The following GAS7 variants were observed in gnomAD, a reference collection of about 807,000 sequenced individuals.
GAS7 encodes growth arrest-specific protein 7.
In GAS7, 28 loss-of-function variants were observed where a neutral mutation model predicts 71.1. That is an observed-to-expected ratio of 0.39 (90% CI 0.29 to 0.54). The LOEUF (loss-of-function observed/expected upper bound fraction) is 0.54, where lower values mean the gene tolerates loss of function less well. Among genes scored for constraint, GAS7 ranks in the 20% least tolerant of loss-of-function variants. GAS7 has a pLI of 0.62. For synonymous variants in GAS7, 258 were observed against 245.8 expected, an observed-to-expected ratio of 1.05 and a Z score of -0.46; for missense variants, 436 against 627.8, an observed-to-expected ratio of 0.69 and a Z score of 3.27.
intron 1 of GAS7, among the ~76,000 whole-genome samples, chr17:10,056,598 G>A (rs547786750): frequency 2.4e-4 from 37 of 152,144 alleles, no homozygotes; most frequent in South Asian, 1.2e-3. Flanking sequence ...TGGGCCGGGC[G>A]CAGTGGCTCA....
At chr17:9,932,261 C>T (rs1215063344) in intron 9 of GAS7, among the ~76,000 whole-genome samples, 1 of 138,444 alleles carries the variant, frequency 7.2e-6, no homozygotes, top group African/African-American at 2.7e-5. Flanking sequence ...GTGGCGTGAA[C>T]TCGGCTCACT....
In GAS7 at chr17:9,975,089, T is replaced by C. The variant is rs894680896; in HGVS notation, c.386-5327A>G. 3.3e-5 allele frequency among the ~76,000 whole-genome samples: 5 copies of C among 152,350 alleles called. No homozygotes were observed. The East Asian group carries it at 9.6e-4, about 29-fold the overall frequency. On this transcript the variant is annotated intron_variant, in intron 3 of 13. Transcript: ENST00000432992. The stretch of plus-strand genomic sequence containing the variant: ...AAACCTGGTGACTGGGAGCGGTGGC[T>C]CACGCCTGAAATCCCAGCACTTTGG...
At chr17:9,925,251 C>T (rs898369629) in intron 11 of GAS7, among the ~76,000 whole-genome samples, 2 of 152,306 alleles carry the variant, frequency 1.3e-5, no homozygotes, top group East Asian at 1.9e-4. Context: ...AGAACTAGCC[C>T]GGCCTGTGTC....
In GAS7 at chr17:10,189,855, T is replaced by C. The variant is rs573197371; in HGVS notation, c.183+8353A>G. On this transcript the variant is annotated intron_variant, in intron 1 of 13. Transcript: ENST00000432992. ...TTGGGAAGCTGAGGCATGAAAATCA[T>C]TTGAACCCAGGAGGTAGAGGCTGCA... Among the ~76,000 whole-genome samples the C allele has an allele frequency of 2.0e-5, 3 of 151,870 alleles. No homozygotes were observed. In the South Asian group the frequency reaches 6.2e-4, roughly 32 times the overall value.
At chr17:9,986,776 C>T (rs1441982802) in intron 2 of GAS7, among the ~76,000 whole-genome samples, 1 of 152,196 alleles carries the variant, frequency 6.6e-6, no homozygotes, top group East Asian at 1.9e-4. Context: ...CCATCAGGGA[C>T]GATGCAGCTG....
intron 1 of GAS7, among the ~76,000 whole-genome samples, chr17:10,149,944 G>C (rs915955323): frequency 6.6e-6 from 1 of 152,118 alleles, no homozygotes; most frequent in African/African-American, 2.4e-5. Context: ...GGTTGTTAGG[G>C]GTAAGGAGAT....
intron 1 of GAS7, among the ~76,000 whole-genome samples, chr17:10,074,086 C>T (rs914183621): frequency 6.6e-6 from 1 of 152,152 alleles, no homozygotes; most frequent in Non-Finnish European, 1.5e-5. Context: ...CAGGCAGCCA[C>T]GCAGCAGTGT....
intron 3 of GAS7, among the ~76,000 whole-genome samples, chr17:9,970,034 G>A (rs940956634): frequency 6.6e-6 from 1 of 152,184 alleles, no homozygotes; most frequent in African/African-American, 2.4e-5. Context: ...TGCCTAACAG[G>A]AGGGGAGGTC....
chr17:10,102,419 G>A (rs1232625380), intron 1 of GAS7, among the ~76,000 whole-genome samples: 1 of 151,572 alleles, frequency 6.6e-6, no homozygotes, highest in Non-Finnish European at 1.5e-5. Flanking sequence ...CAGCATAGTA[G>A]TCTAATCTCT....
At chr17:10,054,786 G>A (rs2073113561) in intron 1 of GAS7, among the ~76,000 whole-genome samples, 1 of 152,220 alleles carries the variant, frequency 6.6e-6, no homozygotes, top group African/African-American at 2.4e-5. Flanking sequence ...CACGGGATCT[G>A]TGAACCCCTT....
At chr17:10,032,848 G>A (rs1372758620) in intron 1 of GAS7, among the ~76,000 whole-genome samples, 4 of 152,110 alleles carry the variant, frequency 2.6e-5, no homozygotes, top group African/African-American at 9.7e-5. Flanking sequence ...ACTTAGAATC[G>A]GTGGGAAAGA....
At chr17:9,999,072 G>A (rs959259635) in intron 2 of GAS7, among the ~76,000 whole-genome samples, 1 of 152,168 alleles carries the variant, frequency 6.6e-6, no homozygotes, top group South Asian at 2.1e-4. Context: ...CAACTGCTTC[G>A]AAACTTCTCC....
chr17:10,047,876 G>A (rs1319837855), intron 1 of GAS7, among the ~76,000 whole-genome samples: 1 of 152,124 alleles, frequency 6.6e-6, no homozygotes, highest in Non-Finnish European at 1.5e-5. Context: ...AGGAAATCAA[G>A]AGTCTATGTA....
At chr17:9,943,378 CCTAACTCGGAT>C in intron 6 of GAS7, 142 bp from the exon 7 acceptor site, 1 of 632,212 alleles carries the variant, frequency 1.6e-6, no homozygotes, top group Non-Finnish European at 2.9e-6. Context: ...TCTCTGCTGC[CCTAACTCGGAT>C]CTCTCTCCTG....
Position 10,198,352 on chromosome 17 carries a change from G to A in GAS7, c.39C>T (p.Ser13=), listed in dbSNP as rs1470737245. 4.4e-6 allele frequency: 7 copies of A among 1,598,100 alleles called. No individual in the cohort carries two copies. The highest frequency in any genetic ancestry group is 5.9e-6 in the Non-Finnish European group (7 of 1,178,628). ...GARCRTLYPF[S]GERHGQGLRF... ...GCAGCCCCTGGCCGTGCCGCTCCCC[G>A]GAGAAGGGGTACAGGGTCCGGCAGC... Residue 13 remains serine, a synonymous_variant, in exon 1 of 14, where the codon TCC becomes TCT. Coordinates refer to ENST00000432992, the MANE Select transcript of GAS7 (RefSeq NM_201433.2).
intron 1 of GAS7, among the ~76,000 whole-genome samples, chr17:10,070,854 G>A (rs573711702): frequency 4.6e-5 from 7 of 152,066 alleles, no homozygotes; most frequent in East Asian, 3.9e-4. Context: ...GGGTGGTGGC[G>A]AAGGAAGAGC....
At chr17:10,049,038 T>C (rs2073023489) in intron 1 of GAS7, among the ~76,000 whole-genome samples, 1 of 152,340 alleles carries the variant, frequency 6.6e-6, no homozygotes, top group South Asian at 2.1e-4. Context: ...CAATGGGCCA[T>C]GTGTGAGGAG....
intron 2 of GAS7, among the ~76,000 whole-genome samples, chr17:10,001,616 G>C (rs2071271828): frequency 2.6e-5 from 4 of 152,158 alleles, no homozygotes; most frequent in Admixed American, 1.3e-4. Context: ...CTCTCTTTTA[G>C]AGATGGGGGA....
Position 10,034,319 on chromosome 17 carries a change from T to A in GAS7, c.184-14422A>T. On this transcript the variant is annotated intron_variant, in intron 1 of 13. Coordinates refer to ENST00000432992, the MANE Select transcript of GAS7 (RefSeq NM_201433.2). This position sits in a 1 kb window ranked among gnomAD's most constrained non-coding sequence, Gnocchi z 4.4. ...ATAGCCTAATACTTAATAATTCTTT[T>A]TTTTTTTTTTAGACAGTCTTGCTGT... The A allele has an allele frequency of 1.5e-6, 1 of 680,754 alleles. No individual in the cohort carries two copies. Among genetic ancestry groups the A allele is most frequent in the African/African-American group, 2.0e-5 (1 of 51,156 alleles). The allele number at this position is 680,754 out of a possible 1,614,324, so 42.2% of individuals were successfully genotyped here.
Sources: gnomAD v4.1 joint callset for allele counts (sites outside exome capture counted in the v4.1 genomes callset) on GRCh38, gnomAD v4.1.1 for gene constraint, Gnocchi (gnomAD v3.1) non-coding constraint, MANE v1.5 for transcripts, NCBI Gene and HGNC (gene_info 2026-07-23, HGNC 2026-07-21) for gene names.